Variants in NUDCD3 observed in about 807,000 individuals in gnomAD.
The protein encoded by NUDCD3 is NudC domain containing 3, also known as nudC domain-containing protein 3.
In NUDCD3, 13 loss-of-function variants were observed where a neutral mutation model predicts 39.7. The ratio of observed to expected loss-of-function variants is 0.33; its 90% CI spans 0.21 to 0.52. The LOEUF (loss-of-function observed/expected upper bound fraction) is 0.52. NUDCD3 is among the 20% of genes least tolerant of loss of function. NUDCD3 has a pLI of 0.96. For missense variants in NUDCD3, 453 were observed against 458.1 expected (o/e 0.99, Z 0.10); for synonymous variants, 175 against 172.4 (o/e 1.02, Z -0.12).
intron 2 of NUDCD3, chr7:44,468,349 CAAAAA>C (rs77181470): frequency 1.2e-3 from 455 of 380,208 alleles, no homozygotes; most frequent in Middle Eastern, 2.5e-3. Flanking sequence ...GTAAAAACTG[CAAAAA>C]AAAAAAAAAA....
Position 44,445,940 on chromosome 7 carries a change from T to C in NUDCD3, c.510-18237A>G, listed in dbSNP as rs146398181. ...CCAGCCACTAGTTGGTGATACAACC[T>C]TGTGTCTCTAAGCCTCCGCTTTGCT... On this transcript the variant is annotated intron_variant, in intron 2 of 5. Coordinates refer to ENST00000355451, the MANE Select transcript of NUDCD3 (RefSeq NM_015332.4). Among the ~76,000 whole-genome samples, 5 of 152,342 alleles carry C rather than the reference T, an allele frequency of 3.3e-5. 1 individual carries two copies. The highest frequency in any genetic ancestry group is 4.1e-4 in the South Asian group (2 of 4,832).
At chr7:44,394,649 AC>A (rs1355145955) in intron 4 of NUDCD3, among the ~76,000 whole-genome samples, 1 of 152,232 alleles carries the variant, frequency 6.6e-6, no homozygotes, top group Non-Finnish European at 1.5e-5. Context: ...CATTTACCAT[AC>A]ATACCATTTT....
At chr7:44,470,938 G>A (rs1380790564) in intron 2 of NUDCD3, among the ~76,000 whole-genome samples, 6 of 152,212 alleles carry the variant, frequency 3.9e-5, no homozygotes, top group Admixed American at 1.3e-4. Context: ...TTACTGAAGA[G>A]TGGCATTCAT....
chr7:44,389,416 C>T (rs946196234), intron 5 of NUDCD3, among the ~76,000 whole-genome samples: 2 of 152,192 alleles, frequency 1.3e-5, no homozygotes, highest in Non-Finnish European at 2.9e-5. Flanking sequence ...CGGTGGCTCA[C>T]GCCTGTAATC....
chr7:44,424,601 C>A (rs1799199783), intron 3 of NUDCD3, among the ~76,000 whole-genome samples: 1 of 152,136 alleles, frequency 6.6e-6, no homozygotes, highest in Non-Finnish European at 1.5e-5. Context: ...CCATCTCATG[C>A]CAGTTAGAAT....
At position 44,422,878 on chromosome 7, in the gene NUDCD3, C is replaced by T. The variant is rs149126856; in HGVS notation, c.642+4693G>A. ...TCAGGCCAATATCCCTGATGAACGT[C>T]GATGTGAAAATCCTCAAAATACTGG... On this transcript the variant is annotated intron_variant, in intron 3 of 5. Coordinates refer to ENST00000355451, the MANE Select transcript of NUDCD3 (RefSeq NM_015332.4). Among the ~76,000 whole-genome samples, 8 of 152,240 alleles carry T rather than the reference C, an allele frequency of 5.3e-5. No individual in the cohort carries two copies. In the East Asian group the frequency reaches 1.2e-3, roughly 22 times the overall value.
At chr7:44,419,376 C>A (rs958854662) in intron 3 of NUDCD3, among the ~76,000 whole-genome samples, 1 of 152,184 alleles carries the variant, frequency 6.6e-6, no homozygotes, top group Admixed American at 6.5e-5. Context: ...GGACAGAGCA[C>A]CTGGGAGAAG....
At chr7:44,474,720 A>G (rs2116969804) in intron 2 of NUDCD3, among the ~76,000 whole-genome samples, 1 of 152,372 alleles carries the variant, frequency 6.6e-6, no homozygotes, top group Non-Finnish European at 1.5e-5. Context: ...GCAAAATAAA[A>G]AATAAAAATG....
intron 3 of NUDCD3, among the ~76,000 whole-genome samples, chr7:44,424,005 C>T (rs1799190276): frequency 6.6e-6 from 1 of 152,174 alleles, no homozygotes; most frequent in Non-Finnish European, 1.5e-5. Context: ...CTACAACCAT[C>T]TGATCTTCAA....
intron 3 of NUDCD3, among the ~76,000 whole-genome samples, chr7:44,414,388 G>C (rs1798982884): frequency 6.6e-6 from 1 of 152,192 alleles, no homozygotes; most frequent in Non-Finnish European, 1.5e-5. Context: ...GAAGTAAAAA[G>C]AGATGGGAGT....
chr7:44,416,222 T>C (rs112676694), intron 3 of NUDCD3, among the ~76,000 whole-genome samples: 8,002 of 152,230 alleles, frequency 0.053, 328 homozygotes, highest in African/African-American at 0.11. Flanking sequence ...TAGCTAGGAC[T>C]ACAGCAGCGT....
chr7:44,490,268 A>T, intron 1 of NUDCD3, 141 bp downstream of exon 1: 1 of 784,112 alleles, frequency 1.3e-6, no homozygotes, highest in Non-Finnish European at 1.9e-6. Context: ...GCTTCAAATT[A>T]CTGAAGCCAT....
At chr7:44,409,134 A>G (rs1798878522) in intron 3 of NUDCD3, among the ~76,000 whole-genome samples, 1 of 152,334 alleles carries the variant, frequency 6.6e-6, no homozygotes, top group Admixed American at 6.5e-5. Flanking sequence ...GGAATCTAGA[A>G]AGACACATGA....
chr7:44,386,945 C>G (rs1297890333), intron 5 of NUDCD3, among the ~76,000 whole-genome samples: 1 of 152,158 alleles, frequency 6.6e-6, no homozygotes, highest in Non-Finnish European at 1.5e-5. Flanking sequence ...CATGAGTACA[C>G]TGAGGGCTAG....
chr7:44,439,485 T>C (rs1182918375), intron 2 of NUDCD3, among the ~76,000 whole-genome samples: 1 of 151,778 alleles, frequency 6.6e-6, no homozygotes, highest in Non-Finnish European at 1.5e-5. Context: ...ATAAAGGGAA[T>C]TGGGCTCCCT....
At chr7:44,470,113 G>C (rs376384993) in intron 2 of NUDCD3, among the ~76,000 whole-genome samples, 1 of 152,110 alleles carries the variant, frequency 6.6e-6, no homozygotes, top group Non-Finnish European at 1.5e-5. Flanking sequence ...AGAATTCTTC[G>C]CATGACTTCT....
chr7:44,407,513 C>T (rs369829422), intron 3 of NUDCD3, among the ~76,000 whole-genome samples: 1 of 144,526 alleles, frequency 6.9e-6, no homozygotes, highest in Non-Finnish European at 1.5e-5. Flanking sequence ...TGCGGTGAGC[C>T]GAGACTGCAC....
At chr7:44,433,130 T>C (rs1379097445) in intron 2 of NUDCD3, among the ~76,000 whole-genome samples, 1 of 152,154 alleles carries the variant, frequency 6.6e-6, no homozygotes, top group Non-Finnish European at 1.5e-5. Flanking sequence ...AAGCAGGGCC[T>C]CCCCAGACAC....
chr7:44,458,804 C>G (rs1379455046), intron 2 of NUDCD3, among the ~76,000 whole-genome samples: 7 of 152,134 alleles, frequency 4.6e-5, no homozygotes, highest in Admixed American at 4.6e-4. Context: ...GTACATGTGT[C>G]TGGTATGGTG....
Sources: allele counts gnomAD v4.1 joint callset (sites outside exome capture counted in the v4.1 genomes callset), GRCh38; gene constraint gnomAD v4.1.1; transcripts MANE v1.5; gene names NCBI Gene and HGNC (gene_info 2026-07-23, HGNC 2026-07-21).